DENND1B: variants seen among roughly 807,000 people sequenced by gnomAD.
DENND1B encodes the protein DENN domain containing 1B.
In DENND1B, 59 loss-of-function variants were observed where a neutral mutation model predicts 90.1. The ratio of observed to expected loss-of-function variants is 0.65; its 90% CI spans 0.53 to 0.81. DENND1B has a LOEUF of 0.81. Ranked by LOEUF, DENND1B falls within the 40% of genes least tolerant of loss-of-function variation. The probability of loss-of-function intolerance (pLI) is 0.00; values close to 1 mark genes in which losing one functional copy is unlikely to be tolerated. For synonymous variants in DENND1B, 337 were observed against 324.6 expected (o/e 1.04, Z -0.41); for missense variants, 862 against 912.6 (o/e 0.94, Z 0.71).
At chr1:197,601,171 C>T (rs181101122) in intron 13 of DENND1B, among the ~76,000 whole-genome samples, 95 of 151,790 alleles carry the variant, frequency 6.3e-4, no homozygotes, top group African/African-American at 2.2e-3. Context: ...TATATGTTTG[C>T]TTGTTCACCA....
intron 2 of DENND1B, chr1:197,735,469 T>A: frequency 1.3e-6 from 2 of 1,533,044 alleles, no homozygotes; most frequent in Non-Finnish European, 1.8e-6. Context: ...ACATTTCCTT[T>A]GTTAGAAGAA....
chr1:197,586,314 A>C lies in DENND1B; in HGVS notation c.1048-3061T>G, dbSNP rs531469968. On this transcript the variant is annotated intron_variant, in intron 14 of 22. Transcript: ENST00000620048. ...TTGTTCAGACTAAATTTTTTTAGGA[A>C]TATAGCAATTTTTCACAAAAATGTT... Among the ~76,000 whole-genome samples the C allele has an allele frequency of 2.0e-5, 3 of 152,336 alleles. No homozygotes were observed. In the South Asian group the frequency reaches 6.2e-4, roughly 32 times the overall value.
chr1:197,740,087 G>A (rs1355899421), intron 2 of DENND1B, among the ~76,000 whole-genome samples: 1 of 152,184 alleles, frequency 6.6e-6, no homozygotes, highest in East Asian at 1.9e-4. Flanking sequence ...AGCGCAAAAG[G>A]AAGGAGAGTG....
chr1:197,537,861 T>C (rs1437193409), intron 20 of DENND1B, among the ~76,000 whole-genome samples: 6 of 152,010 alleles, frequency 3.9e-5, no homozygotes, highest in Non-Finnish European at 2.9e-5. Flanking sequence ...CTGTACATTT[T>C]AAAATTGCTA....
chr1:197,582,997 T>C (rs1488032043), intron 15 of DENND1B, among the ~76,000 whole-genome samples, 155 bp downstream of exon 15: 2 of 152,252 alleles, frequency 1.3e-5, no homozygotes, highest in Non-Finnish European at 2.9e-5. Flanking sequence ...TAGAGTGCTA[T>C]GTCATAACTA....
At chr1:197,776,987 T>C (rs1355997460), upstream of DENND1B, among the ~76,000 whole-genome samples, 1 of 152,214 alleles carries the variant, frequency 6.6e-6, no homozygotes, top group East Asian at 1.9e-4. Context: ...GTATTATCTT[T>C]TGAGAAATTA....
At chr1:197,760,636 T>TCC in intron 2 of DENND1B, among the ~76,000 whole-genome samples, 1 of 145,060 alleles carries the variant, frequency 6.9e-6, no homozygotes, top group Non-Finnish European at 1.5e-5. Flanking sequence ...AGTGAGACCT[T>TCC]GTCTCAAAAA....
chr1:197,780,157 C>G (rs1657391261), upstream of DENND1B, among the ~76,000 whole-genome samples: 1 of 152,032 alleles, frequency 6.6e-6, no homozygotes, highest in Admixed American at 6.6e-5. Context: ...TTGTTTGAGA[C>G]AATTGTCCTT....
chr1:197,695,110 T>C (rs933992610), intron 3 of DENND1B, among the ~76,000 whole-genome samples: 4 of 151,336 alleles, frequency 2.6e-5, no homozygotes, highest in African/African-American at 7.2e-5. Flanking sequence ...AAAATAAGAA[T>C]GTGATTATGT....
Position 197,652,327 on chromosome 1 carries a change from GA to G in DENND1B, c.367-13del. ...TTCAAATCATTTTCCTAGGGCAAAA[GA>G]AAAAGTACATTTTATAAATAAAACA... On this transcript the variant is annotated splice_polypyrimidine_tract_variant and intron_variant, in intron 6 of 22. Coordinates refer to ENST00000620048, the MANE Select transcript of DENND1B (RefSeq NM_001195215.2). The G allele has an allele frequency of 6.3e-7, 1 of 1,598,974 alleles. No individual in the cohort carries two copies. Among genetic ancestry groups the G allele is most frequent in the East Asian group, 2.3e-5 (1 of 44,010 alleles).
At chr1:197,635,113 G>A (rs994380155) in intron 10 of DENND1B, among the ~76,000 whole-genome samples, 1 of 152,166 alleles carries the variant, frequency 6.6e-6, no homozygotes, top group East Asian at 1.9e-4. Flanking sequence ...ATTATTTAAA[G>A]AGACAAATGT....
intron 15 of DENND1B, among the ~76,000 whole-genome samples, chr1:197,576,261 C>T (rs1424292744): frequency 2.0e-5 from 3 of 152,082 alleles, no homozygotes; most frequent in African/African-American, 7.2e-5. Context: ...TGTGAAGGAA[C>T]ATTCAATGTG....
At chr1:197,519,189 G>A (rs965598303) in intron 20 of DENND1B, among the ~76,000 whole-genome samples, 17 of 151,558 alleles carry the variant, frequency 1.1e-4, no homozygotes, top group Middle Eastern at 6.3e-3. Flanking sequence ...ACCTTACTGG[G>A]GTTTCCATAT....
intron 5 of DENND1B, among the ~76,000 whole-genome samples, chr1:197,666,811 T>C (rs769960221): frequency 3.3e-5 from 5 of 152,190 alleles, no homozygotes; most frequent in Non-Finnish European, 5.9e-5. Context: ...AATCCTACCT[T>C]CCTTTTCCCC....
intron 2 of DENND1B, chr1:197,761,924 GT>G (rs934586351): frequency 1.3e-5 from 2 of 149,518 alleles, no homozygotes; most frequent in East Asian, 2.0e-4. Context: ...AAAAAAAAAA[GT>G]TTTTTTTAAA....
chr1:197,512,526 C>A (rs1668102164), intron 21 of DENND1B, among the ~76,000 whole-genome samples: 1 of 151,598 alleles, frequency 6.6e-6, no homozygotes, highest in Admixed American at 6.6e-5. Flanking sequence ...AATTCCATTT[C>A]TTTCTATTGA....
intron 20 of DENND1B, among the ~76,000 whole-genome samples, chr1:197,529,242 A>ATATATGTGTG (rs1553277550): frequency 2.0e-3 from 22 of 10,854 alleles, no homozygotes; most frequent in Admixed American, 4.0e-3. Context: ...ATATATATAT[A>ATATATGTGTG]TGTGTGTGTG....
intron 13 of DENND1B, 44 bp from the exon 14 acceptor site, chr1:197,595,377 G>C: frequency 6.3e-7 from 1 of 1,598,000 alleles, no homozygotes; most frequent in Non-Finnish European, 8.5e-7. Flanking sequence ...CTCAGAAATT[G>C]GTACAGCGAG....
chr1:197,734,753 G>A (rs1480462773), intron 2 of DENND1B: 1 of 983,232 alleles, frequency 1.0e-6, no homozygotes, highest in Non-Finnish European at 1.2e-6. Context: ...ATACTCCATA[G>A]AGTAATATAA....
Sources: gnomAD v4.1 joint callset for allele counts (sites outside exome capture counted in the v4.1 genomes callset) on GRCh38, gnomAD v4.1.1 for gene constraint, MANE v1.5 for transcripts, NCBI Gene and HGNC (gene_info 2026-07-23, HGNC 2026-07-21) for gene names.